ERBB4: variants seen among roughly 807,000 people sequenced by gnomAD.
ERBB4 encodes the protein receptor tyrosine-protein kinase erbB-4.
Under a neutral mutation model 158.0 loss-of-function variants are expected in ERBB4, and 42 were observed. That is an observed-to-expected ratio of 0.27 (90% CI 0.21 to 0.34). ERBB4 has a LOEUF of 0.34. ERBB4 is among the 10% of genes least tolerant of loss of function. ERBB4 has a pLI of 1.00. For synonymous variants in ERBB4, 583 were observed against 558.7 expected (o/e 1.04, Z -0.61); for missense variants, 1,333 against 1,624.1 (o/e 0.82, Z 3.08).
intron 20 of ERBB4, among the ~76,000 whole-genome samples, chr2:211,451,929 T>C (rs938484433): frequency 6.6e-6 from 1 of 152,216 alleles, no homozygotes; most frequent in African/African-American, 2.4e-5. Context: ...TATCAAGTTA[T>C]CAGGAGTAAA....
rs567125225 is a variant in ERBB4 at position 212,107,838 on chromosome 2, C to A, written c.234+16914G>T. On this transcript the variant is annotated intron_variant, in intron 2 of 27. Coordinates refer to ENST00000342788, the MANE Select transcript of ERBB4 (RefSeq NM_005235.3). ...AGTTTTATAAAGGGGAGTTTCCCTG[C>A]ACAAGTTCTATTATTCTCTCATATC... 3.9e-5 allele frequency among the ~76,000 whole-genome samples: 6 copies of A among 152,270 alleles called. No homozygotes were observed. The South Asian group carries it at 8.3e-4, about 21-fold the overall frequency.
chr2:212,100,815 T>G (rs2079061832), intron 2 of ERBB4, among the ~76,000 whole-genome samples: 1 of 152,166 alleles, frequency 6.6e-6, no homozygotes, highest in South Asian at 2.1e-4. Context: ...CAAACAATTT[T>G]GGCAGCATTT....
chr2:211,700,903 C>A (rs1039839779), intron 12 of ERBB4, among the ~76,000 whole-genome samples: 1 of 152,076 alleles, frequency 6.6e-6, no homozygotes, highest in Non-Finnish European at 1.5e-5. Context: ...AGTTCGGATT[C>A]TTTTTATTCA....
intron 1 of ERBB4, among the ~76,000 whole-genome samples, chr2:212,447,621 A>G (rs1342157912): frequency 6.6e-6 from 1 of 152,212 alleles, no homozygotes; most frequent in East Asian, 1.9e-4. Flanking sequence ...AGTAATCAAC[A>G]TAATAAGCAC....
intron 20 of ERBB4, among the ~76,000 whole-genome samples, chr2:211,523,595 G>A (rs889937157): frequency 4.0e-5 from 6 of 151,892 alleles, no homozygotes; most frequent in Non-Finnish European, 7.4e-5. Context: ...CGCAGTGAGT[G>A]TTACAGCTCT....
rs1384262515 is a variant in ERBB4, at chr2:211,382,446, G to A, written c.*1169C>T. ...TTTTTTTAAAAATGTACTTAAATTA[G>A]TTAATTTGCTGGTTGCTTCCATATT... On this transcript the variant is annotated 3_prime_UTR_variant, in exon 28 of 28. Coordinates refer to ENST00000342788, the MANE Select transcript of ERBB4 (RefSeq NM_005235.3). 1.3e-5 allele frequency: 3 copies of A among 232,182 alleles called. No individual in the cohort carries two copies. Among genetic ancestry groups the A allele is most frequent in the African/African-American group, 2.2e-5 (1 of 45,220 alleles). The allele number at this position is 232,182 out of a possible 1,614,324, so 14.4% of individuals were successfully genotyped here.
chr2:212,387,897 T>C (rs2090731377), intron 1 of ERBB4, among the ~76,000 whole-genome samples: 1 of 152,160 alleles, frequency 6.6e-6, no homozygotes, highest in Non-Finnish European at 1.5e-5. Flanking sequence ...ATACATACTA[T>C]ATTCAGAGCA....
intron 3 of ERBB4, among the ~76,000 whole-genome samples, chr2:211,893,324 TAATA>T (rs1209730491): frequency 6.9e-6 from 1 of 144,378 alleles, no homozygotes; most frequent in Non-Finnish European, 1.5e-5. Flanking sequence ...ATTCCCTATT[TAATA>T]AATGGTGCTG....
chr2:211,769,053 T>C (rs6733063), intron 4 of ERBB4, among the ~76,000 whole-genome samples: 21,735 of 152,200 alleles, frequency 0.14, 1,758 homozygotes, highest in South Asian at 0.33. Context: ...ACCCTAGTCA[T>C]ATCTTGAATG....
intron 19 of ERBB4, among the ~76,000 whole-genome samples, chr2:211,591,358 T>C (rs1242619702): frequency 6.6e-6 from 1 of 152,128 alleles, no homozygotes; most frequent in Non-Finnish European, 1.5e-5. Flanking sequence ...CCTACTTACC[T>C]CTCTGGTTTT....
At chr2:212,228,641 G>A (rs531905461) in intron 1 of ERBB4, among the ~76,000 whole-genome samples, 2 of 152,050 alleles carry the variant, frequency 1.3e-5, no homozygotes, top group African/African-American at 2.4e-5. Flanking sequence ...ATGTGAGATG[G>A]CAGATAAAAA....
At chr2:212,492,148 C>T (rs1690314191) in intron 1 of ERBB4, among the ~76,000 whole-genome samples, 2 of 151,328 alleles carry the variant, frequency 1.3e-5, no homozygotes, top group Admixed American at 6.6e-5. Flanking sequence ...AGAAATAATG[C>T]AATTTACTTA....
intron 19 of ERBB4, among the ~76,000 whole-genome samples, chr2:211,586,307 G>GTA (rs1346656890): frequency 3.9e-5 from 6 of 152,002 alleles, no homozygotes. Flanking sequence ...CATATAAAGA[G>GTA]TATATATATA....
In ERBB4 at chr2:211,704,241, G is replaced by A. The variant is rs759016386; in HGVS notation, c.1199-47C>T. On this transcript the variant is annotated intron_variant, in intron 10 of 27. Transcript: ENST00000342788. ...AATAAATCAGAATATCATTGTCTTAGTATTAGTGCTGATTTTTCTTGAAAT... is the reference window on the plus strand; with the variant it reads ...AATAAATCAGAATATCATTGTCTTAATATTAGTGCTGATTTTTCTTGAAAT... The A allele has an allele frequency of 1.1e-5, 13 of 1,172,174 alleles. No individual in the cohort carries two copies. The African/African-American group carries it at 1.8e-4, about 16-fold the overall frequency. 72.6% of individuals were successfully genotyped at this position (1,172,174 alleles called of 1,614,324 possible).
At chr2:212,388,831 T>A (rs979523843) in intron 1 of ERBB4, among the ~76,000 whole-genome samples, 1 of 152,088 alleles carries the variant, frequency 6.6e-6, no homozygotes, top group African/African-American at 2.4e-5. Context: ...ACCACAAATT[T>A]GTTGATGAAA....
chr2:211,978,674 C>T (rs1008546871), intron 2 of ERBB4, among the ~76,000 whole-genome samples: 5 of 152,092 alleles, frequency 3.3e-5, no homozygotes, highest in Admixed American at 2.0e-4. Flanking sequence ...TGTGTAAAGG[C>T]ATTCAATTTT....
At chr2:212,367,776 C>T (rs1205131351) in intron 1 of ERBB4, among the ~76,000 whole-genome samples, 2 of 151,904 alleles carry the variant, frequency 1.3e-5, no homozygotes, top group South Asian at 2.1e-4. Flanking sequence ...GAGCTAAGGG[C>T]ATGAATAGAC....
At chr2:211,855,718 T>C (rs918852804) in intron 3 of ERBB4, among the ~76,000 whole-genome samples, 15 of 152,304 alleles carry the variant, frequency 9.8e-5, no homozygotes, top group Middle Eastern at 3.4e-3. Flanking sequence ...TGAGTCTTAA[T>C]ATCCAGTAGT....
intron 3 of ERBB4, among the ~76,000 whole-genome samples, chr2:211,849,718 A>T (rs2077672121): frequency 6.6e-6 from 1 of 151,954 alleles, no homozygotes; most frequent in South Asian, 2.1e-4. Context: ...CTAACATCTC[A>T]TTTATAAAGA....
Sources: gnomAD v4.1 joint callset for allele counts (sites outside exome capture counted in the v4.1 genomes callset) on GRCh38, gnomAD v4.1.1 for gene constraint, MANE v1.5 for transcripts, NCBI Gene and HGNC (gene_info 2026-07-23, HGNC 2026-07-21) for gene names.